RAD50: variants seen among roughly 807,000 people sequenced by gnomAD.
RAD50 encodes DNA repair protein RAD50.
Under a neutral mutation model 168.8 loss-of-function variants are expected in RAD50, and 132 were observed. That is an observed-to-expected ratio of 0.78 (90% confidence interval 0.68 to 0.90). The LOEUF is 0.90. Among genes scored for constraint, RAD50 ranks in the 40% least tolerant of loss-of-function variants. RAD50 has a pLI of 0.00. For synonymous variants in RAD50, 525 were observed against 497.4 expected (o/e 1.06, Z -0.74); for missense variants, 1,347 against 1,534.4 (o/e 0.88, Z 2.04).
intron 15 of RAD50, 86 bp downstream of exon 15, chr5:132,604,132 A>G: frequency 5.3e-6 from 8 of 1,516,856 alleles, no homozygotes; most frequent in Admixed American, 1.7e-5. Context: ...TATCTGTTAC[A>G]TGGACAACGA....
At chr5:132,560,846 A>G (rs1016330768) in intron 2 of RAD50, among the ~76,000 whole-genome samples, 4 of 152,034 alleles carry the variant, frequency 2.6e-5, no homozygotes. Context: ...ACTCCAATTT[A>G]CCCTCTAGCC....
chr5:132,575,907 A>G lies in RAD50; in HGVS notation c.344A>G (p.Glu115Gly), dbSNP rs749567681. The G allele has an allele frequency of 1.9e-6, 3 of 1,610,864 alleles. No homozygotes were observed. The highest frequency in any genetic ancestry group is 2.5e-6 in the Non-Finnish European group (3 of 1,177,256). Residue 115 changes from glutamate to glycine, a missense_variant, in exon 3 of 25, where the codon GAA becomes GGA. Coordinates refer to ENST00000378823, the MANE Select transcript of RAD50 (RefSeq NM_005732.4). The part of the protein sequence containing the change: ...KSKKTEFKTL[E>G]GVITRTKHGE... ...AAAAAGACAGAATTTAAAACTCTGG[A>G]AGGAGTCATTACTAGAACAAAGTAG...
At chr5:132,619,912 T>G (rs1323300814) in intron 21 of RAD50, among the ~76,000 whole-genome samples, 1 of 129,012 alleles carries the variant, frequency 7.8e-6, no homozygotes, top group Non-Finnish European at 1.5e-5. Context: ...AGATATATCT[T>G]TTTTTTTTTT....
intron 2 of RAD50, among the ~76,000 whole-genome samples, chr5:132,560,221 A>G (rs2149831690): frequency 6.6e-6 from 1 of 152,328 alleles, no homozygotes; most frequent in South Asian, 2.1e-4. Flanking sequence ...ACATAAATGC[A>G]TTCACACATA....
Position 132,603,364 on chromosome 5 carries a change from A to C in RAD50, c.2272A>C (p.Asn758His). The C allele has an allele frequency of 6.2e-7, 1 of 1,613,774 alleles. No homozygotes were observed. Among genetic ancestry groups the C allele is most frequent in the Admixed American group, 1.7e-5 (1 of 60,000 alleles). ...ATTAAGAAACAAACTGCAGAATGTC[A>C]ATAGAGACATACAGCGCCTAAAGAA... ...PELRNKLQNV[N>H]RDIQRLKNDI... The change falls in exon 14 of 25, where the codon AAT (asparagine) becomes CAT (histidine). Residue 758 changes from asparagine to histidine, a missense_variant. Coordinates refer to ENST00000378823, the MANE Select transcript of RAD50 (RefSeq NM_005732.4).
chr5:132,602,827 T>A (rs1328920298), intron 13 of RAD50, among the ~76,000 whole-genome samples: 1 of 152,202 alleles, frequency 6.6e-6, no homozygotes, highest in Non-Finnish European at 1.5e-5. Context: ...TAGTTGTTAT[T>A]TCTCCTTAGG....
intron 19 of RAD50, among the ~76,000 whole-genome samples, chr5:132,611,055 T>C (rs1434641922): frequency 6.6e-6 from 1 of 152,202 alleles, no homozygotes; most frequent in Non-Finnish European, 1.5e-5. Context: ...ATAAAAAGTA[T>C]GCATGAAGTC....
intron 16 of RAD50, 68 bp from the exon 17 acceptor site, chr5:132,608,545 CTG>C: frequency 2.1e-5 from 28 of 1,334,370 alleles, no homozygotes; most frequent in Non-Finnish European, 2.8e-5. Context: ...TTTATTAAGA[CTG>C]TGAAGTCTGA....
Position 132,557,353 on chromosome 5 carries a change from T to G in RAD50, c.29T>G (p.Leu10Arg). The G allele has an allele frequency of 6.2e-7, 1 of 1,614,150 alleles. No individual in the cohort carries two copies. Among genetic ancestry groups the G allele is most frequent in the Non-Finnish European group, 8.5e-7 (1 of 1,179,942 alleles). The change falls in exon 1 of 25, where the codon CTG becomes CGG. Residue 10 changes from leucine to arginine, a missense_variant. Leu to Arg is a moderately radical substitution (Grantham distance 102, BLOSUM62 -2). Around this residue, in one of 3 missense-constraint regions of RAD50, gnomAD observed 703 missense variants for 767.7 expected, o/e 0.92. Transcript: ENST00000378823. ...TCCCGGATCGAAAAGATGAGCATTCTGGGCGTGCGGAGTTTTGGAATAGAG... is the reference window on the plus strand; with the variant it reads ...TCCCGGATCGAAAAGATGAGCATTCGGGGCGTGCGGAGTTTTGGAATAGAG... MSRIEKMSI[L>R]GVRSFGIEDK...
intron 13 of RAD50, among the ~76,000 whole-genome samples, chr5:132,596,845 T>C (rs935828441): frequency 2.6e-5 from 4 of 152,174 alleles, no homozygotes; most frequent in African/African-American, 9.7e-5. Flanking sequence ...ATTTTGAGAA[T>C]GAGGCAGGAA....
At chr5:132,588,175 C>T in intron 7 of RAD50, 86 bp downstream of exon 7, 1 of 1,461,874 alleles carries the variant, frequency 6.8e-7, no homozygotes, top group Non-Finnish European at 9.5e-7. Context: ...AGGACTTATG[C>T]TGAGTGAAAA....
chr5:132,557,716 CA>C (rs1463391204), intron 1 of RAD50, among the ~76,000 whole-genome samples: 57 of 152,346 alleles, frequency 3.7e-4, no homozygotes, highest in African/African-American at 1.3e-3. Context: ...GCCGCTCACT[CA>C]GAGTTCAGTT....
chr5:132,585,459 T>G lies in RAD50; in HGVS notation c.757-2103T>G, dbSNP rs536813295. Among the ~76,000 whole-genome samples the G allele has an allele frequency of 1.2e-4, 19 of 152,312 alleles. No individual in the cohort carries two copies. In the South Asian group the frequency reaches 3.9e-3, roughly 32 times the overall value. ...TTTCCTAGTTGATCAGTCAATTGAT[T>G]ATTGATTTTGAGCATCTTTTCATGT... On this transcript the variant is annotated intron_variant, in intron 5 of 24. Transcript: ENST00000378823.
chr5:132,609,201 T>G lies in RAD50; in HGVS notation c.2914T>G (p.Tyr972Asp). The G allele has an allele frequency of 6.2e-7, 1 of 1,610,856 alleles. No homozygotes were observed. Among genetic ancestry groups the G allele is most frequent in the Non-Finnish European group, 8.5e-7 (1 of 1,178,596 alleles). The change falls in exon 18 of 25, where the codon TAT becomes GAT. Residue 972 changes from tyrosine to aspartate, a missense_variant. By Grantham distance (160) the Tyr-to-Asp change is radical (BLOSUM62 -3). This residue lies in a region of RAD50 where 635 missense variants were observed against 739.2 expected (regional missense o/e 0.86). Transcript: ENST00000378823. ...TTATATTCAAGATGGGAAAGACGAC[T>G]ATAAGAAGGTAATTTAAAACTTAAA... ...ENYIQDGKDD[Y>D]KKQKETELNK...
At chr5:132,611,667 C>T (rs923031564) in intron 19 of RAD50, among the ~76,000 whole-genome samples, 2 of 142,370 alleles carry the variant, frequency 1.4e-5, no homozygotes, top group African/African-American at 5.3e-5. Flanking sequence ...GATCGCACCA[C>T]TGCACTCCAG....
chr5:132,588,168 A>G (rs1298964156), intron 7 of RAD50, 79 bp downstream of exon 7: 1 of 1,485,882 alleles, frequency 6.7e-7, no homozygotes, highest in African/African-American at 1.4e-5. Context: ...ATCTCCAAGG[A>G]CTTATGCTGA....
intron 1 of RAD50, 148 bp downstream of exon 1, chr5:132,557,601 G>A: frequency 8.3e-7 from 1 of 1,209,406 alleles, no homozygotes; most frequent in Non-Finnish European, 1.2e-6. Flanking sequence ...GTGGCCTGCA[G>A]GCTACAGCGA....
chr5:132,561,640 C>G (rs1750126489), intron 2 of RAD50, among the ~76,000 whole-genome samples: 1 of 152,128 alleles, frequency 6.6e-6, no homozygotes, highest in African/African-American at 2.4e-5. Context: ...ATATTTGACC[C>G]TGACTTCTTT....
intron 17 of RAD50, 149 bp downstream of exon 17, chr5:132,608,874 T>C: frequency 7.4e-7 from 1 of 1,359,424 alleles, no homozygotes. Flanking sequence ...CATTAGAAAT[T>C]CTTGTTAGAA....
Sources: gnomAD v4.1 joint callset for allele counts (sites outside exome capture counted in the v4.1 genomes callset) on GRCh38, gnomAD v4.1.1 for gene constraint, gnomAD v4.1.1 regional missense constraint, MANE v1.5 for transcripts, NCBI Gene and HGNC (gene_info 2026-07-23, HGNC 2026-07-21) for gene names.